MYH7B: variants seen among roughly 807,000 people sequenced by gnomAD.
MYH7B encodes the protein myosin-7B.
MYH7B carries 205 observed loss-of-function variants against 234.5 expected under a neutral mutation model. The observed-to-expected ratio is 0.87, with a 90% CI of 0.78 to 0.98. The LOEUF (loss-of-function observed/expected upper bound fraction) is 0.98. Ranked by LOEUF, MYH7B falls within the 50% of genes least tolerant of loss-of-function variation. The pLI, the probability that MYH7B is intolerant of heterozygous loss-of-function variation, is 0.00. For missense variants in MYH7B, 2,652 were observed against 2,633.4 expected, an observed-to-expected ratio of 1.01 and a Z score of -0.15; for synonymous variants, 1,193 against 1,105.0, an observed-to-expected ratio of 1.08 and a Z score of -1.58.
At chr20:34,956,412 A>C (rs1023390194) in intron 1 of MYH7B, among the ~76,000 whole-genome samples, 3 of 152,116 alleles carry the variant, frequency 2.0e-5, no homozygotes, top group African/African-American at 7.2e-5. Context: ...AGTTTTTAAA[A>C]ATATGCGGAT....
intron 24 of MYH7B, among the ~76,000 whole-genome samples, chr20:34,991,490 G>A (rs1197385959): frequency 1.3e-5 from 2 of 152,206 alleles, no homozygotes; most frequent in African/African-American, 4.8e-5. Flanking sequence ...GAGGAGAGGT[G>A]AAGGGATACT....
chr20:34,987,719 G>T, intron 17 of MYH7B, 44 bp downstream of exon 17: 1 of 1,612,920 alleles, frequency 6.2e-7, no homozygotes. Flanking sequence ...AGCCGGGCAG[G>T]GTCCCCTCCT....
chr20:34,995,276 G>C, intron 27 of MYH7B, 60 bp from the exon 28 acceptor site: 1 of 1,555,976 alleles, frequency 6.4e-7, no homozygotes, highest in Non-Finnish European at 8.8e-7. Flanking sequence ...CTGGCCTGGT[G>C]TCTCTCTGCT....
intron 43 of MYH7B, 47 bp downstream of exon 43, chr20:35,001,573 G>A (rs1364832508): frequency 6.6e-7 from 1 of 1,525,946 alleles, no homozygotes; most frequent in Non-Finnish European, 8.9e-7. Flanking sequence ...CCCCAGCTCT[G>A]CCCCAGGGTC....
intron 2 of MYH7B, among the ~76,000 whole-genome samples, chr20:34,973,798 C>T (rs780126852): frequency 3.3e-4 from 50 of 152,178 alleles, no homozygotes; most frequent in Non-Finnish European, 5.6e-4. Context: ...TGCTCTGTTG[C>T]CCAGGCTGGA....
chr20:34,963,646 C>T (rs2081717814), intron 2 of MYH7B, among the ~76,000 whole-genome samples: 1 of 152,136 alleles, frequency 6.6e-6, no homozygotes, highest in South Asian at 2.1e-4. Context: ...TCTACGAAAC[C>T]ATTGCCTAAT....
chr20:34,968,609 C>G (rs995404582), intron 2 of MYH7B, among the ~76,000 whole-genome samples: 1 of 152,222 alleles, frequency 6.6e-6, no homozygotes, highest in South Asian at 2.1e-4. Context: ...GCCCCTGCCC[C>G]TTTCATGTCT....
At chr20:34,990,777 C>G (rs185297335) in exon 23 of MYH7B, 4 of 1,614,100 alleles carry the variant, frequency 2.5e-6, no homozygotes, top group Non-Finnish European at 2.5e-6. Flanking sequence ...GCGGGCCACA[C>G]AGCCCCACTT....
Position 34,981,080 on chromosome 20 carries a change from G to T in MYH7B, c.527+20G>T, listed in dbSNP as rs750584225. 6.2e-7 allele frequency: 1 copy of T among 1,613,414 alleles called. No homozygotes were observed. Among genetic ancestry groups the T allele is most frequent in the Non-Finnish European group, 8.5e-7 (1 of 1,179,746 alleles). On this transcript the variant is annotated intron_variant, in intron 9 of 44. Transcript: ENST00000262873. The stretch of plus-strand genomic sequence containing the variant: ...GATCACGTGAGTGTGGGGCTCTGGG[G>T]GTGGGGTGGAAAATGCTGGCCATCT...
chr20:35,000,548 G>C (rs6060149), exon 39 of MYH7B: 1 of 1,583,042 alleles, frequency 6.3e-7, no homozygotes, highest in South Asian at 1.1e-5. Context: ...AGCAGGCGCA[G>C]GCTCTGGAGC....
At chr20:34,976,571 A>C (rs1365142098) in intron 3 of MYH7B, among the ~76,000 whole-genome samples, 1 of 152,234 alleles carries the variant, frequency 6.6e-6, no homozygotes, top group Non-Finnish European at 1.5e-5. Context: ...ACCTCTGTCG[A>C]GAGTGGGCCA....
At chr20:34,987,993 C>T (rs745443064) in intron 18 of MYH7B, 79 bp downstream of exon 18, 60 of 1,555,416 alleles carry the variant, frequency 3.9e-5, no homozygotes, top group Non-Finnish European at 5.0e-5. Flanking sequence ...GAAGCCCTGG[C>T]CTTCTGCCTG....
At chr20:35,001,561 C>A in intron 43 of MYH7B, 35 bp downstream of exon 43, 1 of 1,552,282 alleles carries the variant, frequency 6.4e-7, no homozygotes, top group African/African-American at 1.4e-5. Context: ...CTGGACCGGG[C>A]ACCCCAGCTC....
At chr20:34,968,714 T>C (rs1162066271) in intron 2 of MYH7B, among the ~76,000 whole-genome samples, 1 of 152,246 alleles carries the variant, frequency 6.6e-6, no homozygotes, top group Non-Finnish European at 1.5e-5. Flanking sequence ...CCTTTAGCCC[T>C]TCCTGTCTCT....
At chr20:34,989,943 C>T (rs1325519517) in intron 20 of MYH7B, 24 bp downstream of exon 20, 1 of 1,612,738 alleles carries the variant, frequency 6.2e-7, no homozygotes, top group Non-Finnish European at 8.5e-7. Flanking sequence ...GGAACCCCAG[C>T]CCTCGGCCAG....
rs1214191198 is a variant in MYH7B, at chr20:34,996,337, C to T, written c.2944-9C>T. ...GGGCGTCCCCATTCTGGCCCTGGCC[C>T]TGGCACAGGTGAAGAACCTGACGGA... On this transcript the variant is annotated splice_polypyrimidine_tract_variant and intron_variant, in intron 28 of 44. Transcript: ENST00000262873. The T allele has an allele frequency of 6.4e-7, 1 of 1,574,774 alleles. No homozygotes were observed. The highest frequency in any genetic ancestry group is 1.9e-5 in the Admixed American group (1 of 53,370).
exon 36 of MYH7B, chr20:34,999,235 A>T (rs2082322017): frequency 6.2e-7 from 1 of 1,609,748 alleles, no homozygotes; most frequent in South Asian, 1.1e-5. Context: ...CGGCACTTGG[A>T]ACGGGCACTG....
At chr20:34,962,143 C>T (rs11698868) in intron 2 of MYH7B, among the ~76,000 whole-genome samples, 28,924 of 152,110 alleles carry the variant, frequency 0.19, 2,829 homozygotes, top group Middle Eastern at 0.33. Context: ...GGGAGGATCA[C>T]TTGAGCCCAG....
At position 34,977,728 on chromosome 20, in the gene MYH7B, G is replaced by T; in HGVS notation, c.-73+48G>T. ...GGAGCCGAAGGGAGGGCAGGAGGGTGGGCGGGTGGGTGAGGGTGCCCATGG... is the reference window on the plus strand; with the variant it reads ...GGAGCCGAAGGGAGGGCAGGAGGGTTGGCGGGTGGGTGAGGGTGCCCATGG... On this transcript the variant is annotated intron_variant, in intron 4 of 44. Coordinates refer to ENST00000262873, the Ensembl canonical transcript of MYH7B. The T allele has an allele frequency of 5.0e-6, 7 of 1,387,878 alleles. No individual in the cohort carries two copies. In the South Asian group the frequency reaches 5.0e-5, roughly 10 times the overall value. 86.0% of individuals were successfully genotyped at this position (1,387,878 alleles called of 1,614,324 possible). A position where few individuals can be genotyped will look rare whatever the true frequency, so the allele number is the denominator to read the frequency against.
Sources: gnomAD v4.1 joint callset for allele counts (sites outside exome capture counted in the v4.1 genomes callset) on GRCh38, gnomAD v4.1.1 for gene constraint, MANE v1.5 for transcripts, NCBI Gene and HGNC (gene_info 2026-07-23, HGNC 2026-07-21) for gene names.